Variants in CD8B observed in about 807,000 individuals in gnomAD.
CD8B encodes CD8 subunit beta.
In CD8B, 6 loss-of-function variants were observed where a neutral mutation model predicts 24.2. The observed-to-expected ratio is 0.25, with a 90% CI of 0.14 to 0.49. The LOEUF is 0.49. CD8B is among the 20% of genes least tolerant of loss of function. The pLI is 0.98. For synonymous variants in CD8B, 84 were observed against 108.3 expected (o/e 0.78, Z 1.39); for missense variants, 196 against 271.3 (o/e 0.72, Z 1.95).
rs899384400 is a variant in CD8B, at chr2:86,841,629, T to C, written c.*678A>G. On this transcript the variant is annotated 3_prime_UTR_variant, in exon 6 of 6. Coordinates refer to ENST00000390655, the MANE Select transcript of CD8B (RefSeq NM_004931.5). ...TTTATTTGTACAACTAAGACATTTG[T>C]ATAAAACAAACAGAAAATGAAAGAA... The C allele has an allele frequency of 1.8e-4, 173 of 984,300 alleles. No individual in the cohort carries two copies. The highest frequency in any genetic ancestry group is 2.0e-4 in the Non-Finnish European group (166 of 829,114). 61.0% of individuals were successfully genotyped at this position (984,300 alleles called of 1,614,324 possible).
At chr2:86,833,728 G>A (rs1303882467), downstream of CD8B, among the ~76,000 whole-genome samples, 1 of 148,324 alleles carries the variant, frequency 6.7e-6, no homozygotes, top group East Asian at 2.0e-4. Flanking sequence ...GTGGCTTGCT[G>A]TAACCTCAAA....
At chr2:86,820,829 A>G (rs1428074912) in intron 5 of CD8B, among the ~76,000 whole-genome samples, 1 of 152,216 alleles carries the variant, frequency 6.6e-6, no homozygotes, top group Non-Finnish European at 1.5e-5. Context: ...CATTAAGATA[A>G]CAATGCTAGC....
At chr2:86,820,842 C>A (rs1044069312) in intron 5 of CD8B, among the ~76,000 whole-genome samples, 1 of 152,186 alleles carries the variant, frequency 6.6e-6, no homozygotes, top group Non-Finnish European at 1.5e-5. Context: ...ATGCTAGCAG[C>A]TACCATTGAC....
intron 5 of CD8B, among the ~76,000 whole-genome samples, chr2:86,825,708 T>A (rs1558749008): frequency 6.6e-6 from 1 of 152,126 alleles, no homozygotes; most frequent in African/African-American, 2.4e-5. Flanking sequence ...AGCGGCAACA[T>A]GAGCAAAGAT....
chr2:86,818,010 G>A (rs1674322488), intron 5 of CD8B, among the ~76,000 whole-genome samples: 1 of 152,070 alleles, frequency 6.6e-6, no homozygotes, highest in African/African-American at 2.4e-5. Context: ...AGGAGTTCGA[G>A]ACCAGCCTGG....
At chr2:86,824,714 A>G (rs1674609521) in intron 5 of CD8B, among the ~76,000 whole-genome samples, 1 of 152,042 alleles carries the variant, frequency 6.6e-6, no homozygotes, top group African/African-American at 2.4e-5. Context: ...TCCAGAGCAC[A>G]CTCAGGGATG....
intron 2 of CD8B, among the ~76,000 whole-genome samples, chr2:86,857,111 C>A (rs1307177240): frequency 1.3e-5 from 2 of 151,898 alleles, no homozygotes; most frequent in Non-Finnish European, 2.9e-5. Flanking sequence ...CCGTGTGACA[C>A]AGAAGAGAAC....
At chr2:86,855,765 G>A (rs548614588) in intron 2 of CD8B, among the ~76,000 whole-genome samples, 1 of 152,180 alleles carries the variant, frequency 6.6e-6, no homozygotes, top group Non-Finnish European at 1.5e-5. Context: ...TCTACCCGAG[G>A]AAGCAGGGAC....
rs1241245948 is a variant in CD8B, at chr2:86,840,523, G to A, written c.*1784C>T. On this transcript the variant is annotated 3_prime_UTR_variant, in exon 6 of 6. Coordinates refer to ENST00000390655, the MANE Select transcript of CD8B (RefSeq NM_004931.5). The stretch of plus-strand genomic sequence containing the variant: ...GTCAATTCACCTCAGCCTTTCATTA[G>A]CCATGGACCAAATCCTTCACCCAGA... Among the ~76,000 whole-genome samples, 3 of 152,156 alleles carry A rather than the reference G, an allele frequency of 2.0e-5. No homozygotes were observed. In the East Asian group the frequency reaches 5.8e-4, roughly 29 times the overall value.
Position 86,846,704 on chromosome 2 carries a change from C to A in CD8B, c.563G>T (p.Gly188Val). Residue 188 changes from glycine to valine, a missense_variant, in exon 4 of 6, where the codon GGA (glycine) becomes GTA (valine). Transcript: ENST00000390655. ...CTCACAGCACAGGTGGATGGCCACT[C>A]CCAGGGAAACCAGCAGAACCAGGAC... ...AGVLVLLVSLGVAIHLCCRRR... is the reference protein window; with the variant it reads ...AGVLVLLVSLVVAIHLCCRRR... The A allele has an allele frequency of 3.2e-6, 5 of 1,580,198 alleles. No homozygotes were observed. The highest frequency in any genetic ancestry group is 4.3e-6 in the Non-Finnish European group (5 of 1,162,424).
At chr2:86,826,537 T>A (rs1235231552) in intron 5 of CD8B, among the ~76,000 whole-genome samples, 1 of 152,042 alleles carries the variant, frequency 6.6e-6, no homozygotes, top group Non-Finnish European at 1.5e-5. Context: ...TGGACTTGGG[T>A]GCATCACCTG....
intron 1 of CD8B, among the ~76,000 whole-genome samples, chr2:86,861,374 G>C (rs569376498): frequency 6.6e-6 from 1 of 151,870 alleles, no homozygotes; most frequent in African/African-American, 2.4e-5. Flanking sequence ...GAGAACGCCC[G>C]ATGTTTGTCT....
In CD8B at chr2:86,853,030, C is replaced by G; in HGVS notation, c.460G>C (p.Val154Leu). The change falls in exon 3 of 6, where the codon GTG becomes CTG. Residue 154 changes from valine to leucine, a missense_variant. Transcript: ENST00000390655. Reference sequence around the variant, plus strand: ...GTCTCTGGCCTGGGTAACCGGCACACTCTCTTCTTGAGGGTGGACTTCTTG... The same window carrying G: ...GTCTCTGGCCTGGGTAACCGGCACAGTCTCTTCTTGAGGGTGGACTTCTTG... ...PTKKSTLKKR[V>L]CRLPRPETQK... 1 of 1,540,778 alleles carries G rather than the reference C, an allele frequency of 6.5e-7. No individual in the cohort carries two copies. The highest frequency in any genetic ancestry group is 1.2e-5 in the South Asian group (1 of 83,438).
At chr2:86,827,297 T>C (rs1159312050) in intron 5 of CD8B, among the ~76,000 whole-genome samples, 2 of 151,676 alleles carry the variant, frequency 1.3e-5, no homozygotes, top group Non-Finnish European at 2.9e-5. Flanking sequence ...TGGCTTGCCC[T>C]GAGAGTTCGG....
chr2:86,827,173 T>C (rs1674723349), intron 5 of CD8B, among the ~76,000 whole-genome samples: 1 of 152,034 alleles, frequency 6.6e-6, no homozygotes, highest in African/African-American at 2.4e-5. Context: ...CAGCTAAGAC[T>C]GTGCTCAAGT....
chr2:86,818,157 C>T (rs931688239), intron 5 of CD8B, among the ~76,000 whole-genome samples: 2 of 151,820 alleles, frequency 1.3e-5, no homozygotes, highest in South Asian at 2.1e-4. Context: ...TGCTGTGAGC[C>T]GAGACTGTAC....
At chr2:86,861,620 C>G (rs1247200676) in intron 1 of CD8B, among the ~76,000 whole-genome samples, 1 of 152,176 alleles carries the variant, frequency 6.6e-6, no homozygotes, top group African/African-American at 2.4e-5. Context: ...AGGGGCTCTC[C>G]GGTCCCCCGG....
intron 5 of CD8B, among the ~76,000 whole-genome samples, chr2:86,827,319 C>T (rs968198579): frequency 4.0e-5 from 6 of 151,376 alleles, no homozygotes; most frequent in Non-Finnish European, 7.4e-5. Context: ...TTTTATGTCA[C>T]GAGAGGTAGT....
Position 86,841,613 on chromosome 2 carries a change from A to C in CD8B, c.*694T>G. On this transcript the variant is annotated 3_prime_UTR_variant, in exon 6 of 6. Coordinates refer to ENST00000390655, the MANE Select transcript of CD8B (RefSeq NM_004931.5). ...ATCTTTAACCTGGGACTTTATTTGT[A>C]CAACTAAGACATTTGTATAAAACAA... The C allele has an allele frequency of 2.0e-6, 2 of 985,002 alleles. No individual in the cohort carries two copies. Among genetic ancestry groups the C allele is most frequent in the Non-Finnish European group, 2.4e-6 (2 of 829,564 alleles). 61.0% of individuals were successfully genotyped at this position (985,002 alleles called of 1,614,324 possible).
Sources: allele counts gnomAD v4.1 joint callset (sites outside exome capture counted in the v4.1 genomes callset), GRCh38; gene constraint gnomAD v4.1.1; transcripts MANE v1.5; gene names NCBI Gene and HGNC (gene_info 2026-07-23, HGNC 2026-07-21).